Variants in TRAPPC9 observed in about 807,000 individuals in gnomAD.
TRAPPC9 encodes the protein IKK2 binding protein.
A neutral mutation model predicts 124.0 loss-of-function variants in TRAPPC9; 83 were observed. The ratio of observed to expected loss-of-function variants is 0.67; its 90% CI spans 0.56 to 0.80. TRAPPC9 has a LOEUF of 0.80. Among genes scored for constraint, TRAPPC9 ranks in the 30% least tolerant of loss-of-function variants. The pLI, the probability that TRAPPC9 is intolerant of heterozygous loss-of-function variation, is 0.00. For synonymous variants in TRAPPC9, 638 were observed against 617.5 expected (o/e 1.03, Z -0.49); for missense variants, 1,302 against 1,508.3 (o/e 0.86, Z 2.27).
intron 19 of TRAPPC9, among the ~76,000 whole-genome samples, chr8:139,972,886 G>T (rs535264529): frequency 6.6e-6 from 1 of 152,330 alleles, no homozygotes; most frequent in African/African-American, 2.4e-5. Context: ...CCCCACAGCT[G>T]ATACTCCGTC....
intron 17 of TRAPPC9, among the ~76,000 whole-genome samples, chr8:140,033,351 G>A (rs1023107552): frequency 6.6e-6 from 1 of 152,168 alleles, no homozygotes; most frequent in African/African-American, 2.4e-5. Context: ...AACGATGGTG[G>A]AACAACTGGA....
intron 9 of TRAPPC9, among the ~76,000 whole-genome samples, chr8:140,342,967 C>T (rs563256421): frequency 9.2e-5 from 14 of 152,236 alleles, no homozygotes; most frequent in Middle Eastern, 3.4e-3. Flanking sequence ...ACCCGAACCC[C>T]GTATATTTTA....
chr8:140,386,536 A>G (rs909139074), intron 7 of TRAPPC9, among the ~76,000 whole-genome samples: 4 of 152,174 alleles, frequency 2.6e-5, no homozygotes, highest in African/African-American at 9.7e-5. Flanking sequence ...ACAAACAGAG[A>G]GCCAAATCAT....
At chr8:139,866,731 G>A (rs1828566480) in intron 21 of TRAPPC9, among the ~76,000 whole-genome samples, 1 of 152,148 alleles carries the variant, frequency 6.6e-6, no homozygotes, top group Non-Finnish European at 1.5e-5. Context: ...GCCAGTGACT[G>A]TTAAGGTGGA....
chr8:140,452,306 G>C (rs1324227389), intron 1 of TRAPPC9, among the ~76,000 whole-genome samples: 2 of 151,046 alleles, frequency 1.3e-5, no homozygotes, highest in Non-Finnish European at 2.9e-5. Flanking sequence ...TGTAGTCCCA[G>C]CTACTTGGGA....
intron 21 of TRAPPC9, among the ~76,000 whole-genome samples, chr8:139,850,983 G>A (rs1387254584): frequency 1.3e-5 from 2 of 152,126 alleles, no homozygotes; most frequent in African/African-American, 4.8e-5. Context: ...AAAGAAAACT[G>A]CAGAAGCTCT....
intron 20 of TRAPPC9, among the ~76,000 whole-genome samples, chr8:139,889,000 G>A (rs564822541): frequency 7.2e-5 from 11 of 152,248 alleles, no homozygotes; most frequent in Non-Finnish European, 1.2e-4. Flanking sequence ...GCAAACCCAC[G>A]TTCACTGCAG....
intron 17 of TRAPPC9, among the ~76,000 whole-genome samples, chr8:140,061,666 G>A (rs1301400467): frequency 6.6e-6 from 1 of 152,194 alleles, no homozygotes; most frequent in Non-Finnish European, 1.5e-5. Context: ...GAATGAAGTG[G>A]AAGCACTGGG....
chr8:139,914,327 G>A (rs1344870770), intron 19 of TRAPPC9, among the ~76,000 whole-genome samples: 2 of 152,256 alleles, frequency 1.3e-5, no homozygotes, highest in Non-Finnish European at 2.9e-5. Flanking sequence ...GGACACCCAG[G>A]TGCTGGAAGG....
At chr8:139,883,326 T>C (rs1162893321) in intron 21 of TRAPPC9, among the ~76,000 whole-genome samples, 1 of 152,228 alleles carries the variant, frequency 6.6e-6, no homozygotes, top group East Asian at 1.9e-4. Flanking sequence ...AAGAAATACA[T>C]TTCTTTATAA....
chr8:140,113,955 C>T (rs530869163), intron 17 of TRAPPC9, among the ~76,000 whole-genome samples: 186 of 152,324 alleles, frequency 1.2e-3, no homozygotes, highest in African/African-American at 3.1e-3. Flanking sequence ...TGCTCATCTG[C>T]GGAACTTCTG....
chr8:140,037,017 C>G (rs989476361), intron 17 of TRAPPC9, among the ~76,000 whole-genome samples: 1 of 151,978 alleles, frequency 6.6e-6, no homozygotes, highest in Admixed American at 6.6e-5. Context: ...CCCGACAGGC[C>G]CTGGTGTGTG....
At chr8:140,033,171 T>C (rs1840609980) in intron 17 of TRAPPC9, among the ~76,000 whole-genome samples, 1 of 152,184 alleles carries the variant, frequency 6.6e-6, no homozygotes, top group Admixed American at 6.5e-5. Context: ...GCTTCTTCAT[T>C]TCCAAAATCT....
intron 11 of TRAPPC9, among the ~76,000 whole-genome samples, chr8:140,294,659 G>GTGCAGTGGT (rs2065755989): frequency 6.6e-6 from 1 of 151,448 alleles, no homozygotes; most frequent in Admixed American, 6.6e-5. Context: ...CCAGGTTGGA[G>GTGCAGTGGT]TGCAGTGGTG....
chr8:140,341,177 A>G (rs2067184795), intron 9 of TRAPPC9, among the ~76,000 whole-genome samples: 1 of 152,206 alleles, frequency 6.6e-6, no homozygotes, highest in South Asian at 2.1e-4. Flanking sequence ...CAGTCCACAG[A>G]CATGAAAACT....
At chr8:140,240,518 G>A (rs918909532) in intron 16 of TRAPPC9, among the ~76,000 whole-genome samples, 2 of 152,138 alleles carry the variant, frequency 1.3e-5, no homozygotes, top group African/African-American at 2.4e-5. Context: ...TACACTTACC[G>A]CCTGCCATAC....
intron 15 of TRAPPC9, among the ~76,000 whole-genome samples, chr8:140,266,868 C>CAA (rs199891725): frequency 6.6e-6 from 1 of 150,584 alleles, no homozygotes; most frequent in Non-Finnish European, 1.5e-5. Flanking sequence ...TCAACAACAA[C>CAA]AAAAAAAAAC....
chr8:140,300,445 G>A lies in TRAPPC9; in HGVS notation c.1768+24C>T, dbSNP rs1264272960. On this transcript the variant is annotated intron_variant, in intron 11 of 22. Transcript: ENST00000438773. The stretch of plus-strand genomic sequence containing the variant: ...GGAAATCAGGTGGCAGAGCACGGTG[G>A]GAAAGCCAGGATCGACGTCCTACCT... The A allele has an allele frequency of 4.3e-6, 7 of 1,613,976 alleles. No individual in the cohort carries two copies. The East Asian group carries it at 1.3e-4, about 31-fold the overall frequency.
chr8:140,333,359 G>A (rs893270609), intron 9 of TRAPPC9, among the ~76,000 whole-genome samples: 2 of 151,892 alleles, frequency 1.3e-5, no homozygotes, highest in African/African-American at 2.4e-5. Flanking sequence ...AGATATAGAT[G>A]TAGATATAGA....
Sources: gnomAD v4.1 joint callset for allele counts (sites outside exome capture counted in the v4.1 genomes callset) on GRCh38, gnomAD v4.1.1 for gene constraint, MANE v1.5 for transcripts, NCBI Gene and HGNC (gene_info 2026-07-23, HGNC 2026-07-21) for gene names.